NRXN1: variants seen among roughly 807,000 people sequenced by gnomAD.
NRXN1 encodes neurexin-1.
In NRXN1, 39 loss-of-function variants were observed where a neutral mutation model predicts 150.9. The ratio of observed to expected loss-of-function variants is 0.26; its 90% confidence interval spans 0.20 to 0.34. The LOEUF (loss-of-function observed/expected upper bound fraction) is 0.34. Ranked by LOEUF, NRXN1 falls within the 10% of genes least tolerant of loss-of-function variation. NRXN1 has a pLI of 1.00. For synonymous variants in NRXN1, 924 were observed against 757.0 expected (o/e 1.22, Z -3.62); for missense variants, 1,815 against 1,949.9 (o/e 0.93, Z 1.30).
intron 5 of NRXN1, among the ~76,000 whole-genome samples, chr2:50,743,451 A>G (rs1173150455): frequency 6.6e-6 from 1 of 152,194 alleles, no homozygotes; most frequent in African/African-American, 2.4e-5. Context: ...AGTTTATGTT[A>G]GCTGGGAAAT....
At chr2:50,857,208 G>A (rs921697612) in intron 5 of NRXN1, among the ~76,000 whole-genome samples, 26 of 152,154 alleles carry the variant, frequency 1.7e-4, no homozygotes, top group African/African-American at 6.3e-4. Flanking sequence ...TGCCCTCTGA[G>A]TCAATATTAA....
intron 22 of NRXN1, 128 bp downstream of exon 22, chr2:49,943,576 C>T (rs941597676): frequency 1.4e-5 from 10 of 693,068 alleles, no homozygotes; most frequent in East Asian, 1.1e-4. Flanking sequence ...TAAGAGTCCT[C>T]ATCTCACAAT....
Position 50,465,540 on chromosome 2 carries a change from T to C in NRXN1, c.3266A>G (p.Glu1089Gly), listed in dbSNP as rs746697390. Residue 1089 changes from glutamate (E) to glycine (G), a missense_variant, in exon 17 of 23, where the codon GAG (glutamate) becomes GGG (glycine). Around this residue, in one of 6 missense-constraint regions of NRXN1, gnomAD observed 339 missense variants for 440.3 expected, o/e 0.77. Transcript: ENST00000401669. The part of the protein sequence containing the change: ...GCEGPSTTCQ[E>G]DSCSNQGVCL... ...CACACCTTGATTGGAACATGAGTCC[T>C]CTTGGCAGGTTGTGCTGGGCCCTGC... 10 of 1,609,852 alleles carry C rather than the reference T, an allele frequency of 6.2e-6. No homozygotes were observed. The South Asian group carries it at 1.1e-4, about 18-fold the overall frequency.
chr2:50,162,051 T>C (rs1242925463), intron 18 of NRXN1, among the ~76,000 whole-genome samples: 3 of 152,070 alleles, frequency 2.0e-5, no homozygotes, highest in Non-Finnish European at 4.4e-5. Context: ...GATATGAAAA[T>C]TACCAGTAAT....
intron 5 of NRXN1, among the ~76,000 whole-genome samples, chr2:50,674,097 T>TA (rs889063510): frequency 2.1e-4 from 32 of 150,942 alleles, no homozygotes; most frequent in East Asian, 7.8e-4. Flanking sequence ...TAAAGTATAA[T>TA]AAAAAAAAGG....
intron 5 of NRXN1, among the ~76,000 whole-genome samples, chr2:50,864,543 T>C (rs1676597848): frequency 6.6e-6 from 1 of 152,042 alleles, no homozygotes. Context: ...CAAGCACTGA[T>C]TACTCGAAAT....
At chr2:50,356,187 C>G (rs2078801674) in intron 17 of NRXN1, among the ~76,000 whole-genome samples, 1 of 152,214 alleles carries the variant, frequency 6.6e-6, no homozygotes, top group African/African-American at 2.4e-5. Flanking sequence ...ATACTGTCAC[C>G]ATTTTCACTA....
chr2:50,253,864 T>A (rs1436668014), intron 17 of NRXN1, among the ~76,000 whole-genome samples: 1 of 111,018 alleles, frequency 9.0e-6, no homozygotes, highest in Non-Finnish European at 1.9e-5. Context: ...GATATTGACC[T>A]GAAGTTTTCT....
chr2:50,747,150 A>G (rs1344097041), intron 5 of NRXN1, among the ~76,000 whole-genome samples: 1 of 152,162 alleles, frequency 6.6e-6, no homozygotes, highest in Non-Finnish European at 1.5e-5. Context: ...ATACACACTC[A>G]TATACAACGG....
At chr2:50,226,834 G>A (rs531221572) in intron 18 of NRXN1, among the ~76,000 whole-genome samples, 1 of 151,970 alleles carries the variant, frequency 6.6e-6, no homozygotes, top group African/African-American at 2.4e-5. Flanking sequence ...TTCTGATATT[G>A]CCTTTAACCT....
At chr2:50,068,678 A>G (rs905407823) in intron 19 of NRXN1, among the ~76,000 whole-genome samples, 2 of 152,238 alleles carry the variant, frequency 1.3e-5, no homozygotes, top group Non-Finnish European at 2.9e-5. Flanking sequence ...CTCAGTAAAT[A>G]TTAGCCCTTA....
chr2:50,608,982 A>G (rs1374219756), intron 8 of NRXN1, among the ~76,000 whole-genome samples: 1 of 152,110 alleles, frequency 6.6e-6, no homozygotes, highest in Non-Finnish European at 1.5e-5. Flanking sequence ...ATTTATCTCT[A>G]CCAATTTTTG....
intron 17 of NRXN1, among the ~76,000 whole-genome samples, chr2:50,358,300 C>G (rs1369995717): frequency 6.6e-6 from 1 of 152,204 alleles, no homozygotes; most frequent in Non-Finnish European, 1.5e-5. Context: ...AATCCCACCC[C>G]CCTGGAGTCC....
At chr2:50,212,935 C>T (rs1296130581) in intron 18 of NRXN1, among the ~76,000 whole-genome samples, 1 of 151,864 alleles carries the variant, frequency 6.6e-6, no homozygotes, top group Non-Finnish European at 1.5e-5. Flanking sequence ...CAAGAATATG[C>T]CTGCAGGCTT....
intron 17 of NRXN1, among the ~76,000 whole-genome samples, chr2:50,334,257 A>G (rs2077040706): frequency 6.7e-6 from 1 of 148,732 alleles, no homozygotes; most frequent in African/African-American, 2.6e-5. Context: ...GGCAAAATAC[A>G]CACACATACA....
intron 4 of NRXN1, 75 bp downstream of exon 4, chr2:50,922,583 T>C: frequency 1.4e-6 from 2 of 1,389,788 alleles, no homozygotes; most frequent in Non-Finnish European, 2.0e-6. Context: ...GCCCATCCTT[T>C]GCAGTGATGG....
At chr2:50,394,527 C>G (rs1007236247) in intron 17 of NRXN1, among the ~76,000 whole-genome samples, 1 of 152,056 alleles carries the variant, frequency 6.6e-6, no homozygotes, top group Admixed American at 6.6e-5. Context: ...TGCTCTGTCT[C>G]TAAAATGCAT....
chr2:50,373,506 T>C (rs1250413537), intron 17 of NRXN1, among the ~76,000 whole-genome samples: 1 of 149,882 alleles, frequency 6.7e-6, no homozygotes, highest in Non-Finnish European at 1.5e-5. Flanking sequence ...AAATTCAAAT[T>C]TGCAAAGAAA....
At position 50,391,568 on chromosome 2, in the gene NRXN1, G is replaced by A. The variant is rs556904943; in HGVS notation, c.3364+73874C>T. On this transcript the variant is annotated intron_variant, in intron 17 of 22. Coordinates refer to ENST00000401669, the MANE Select transcript of NRXN1 (RefSeq NM_001330078.2). ...TGAAAATCTAATACATGATATTGAA[G>A]CGTTGGGAACACTGGGACAATGTTG... 2.0e-5 allele frequency among the ~76,000 whole-genome samples: 3 copies of A among 152,190 alleles called. No individual in the cohort carries two copies. The South Asian group carries it at 6.2e-4, about 32-fold the overall frequency.
Sources: allele counts gnomAD v4.1 joint callset (sites outside exome capture counted in the v4.1 genomes callset), GRCh38; gene constraint gnomAD v4.1.1; regional missense constraint gnomAD v4.1.1; transcripts MANE v1.5; gene names NCBI Gene and HGNC (gene_info 2026-07-23, HGNC 2026-07-21).